Variants in AVEN observed in about 807,000 individuals in gnomAD.
AVEN encodes the protein apoptosis and caspase activation inhibitor.
A neutral mutation model predicts 38.1 loss-of-function variants in AVEN; 41 were observed. The observed-to-expected ratio is 1.08, with a 90% CI of 0.84 to 1.40. AVEN has a LOEUF of 1.40. Ranked by LOEUF, AVEN falls within the 40% of genes most tolerant of loss-of-function variation. AVEN has a pLI of 0.00. For synonymous variants in AVEN, 206 were observed against 171.8 expected (o/e 1.20, Z -1.56); for missense variants, 605 against 438.8 (o/e 1.38, Z -3.38).
chr15:34,025,219 T>G (rs1898402792), intron 1 of AVEN, among the ~76,000 whole-genome samples: 1 of 152,216 alleles, frequency 6.6e-6, no homozygotes, highest in Non-Finnish European at 1.5e-5. Context: ...AATAAGATTC[T>G]GAAATATGAA....
intron 1 of AVEN, among the ~76,000 whole-genome samples, chr15:34,006,691 CA>C (rs1897359711): frequency 6.6e-6 from 1 of 152,160 alleles, no homozygotes; most frequent in South Asian, 2.1e-4. Context: ...CACCAGTCCC[CA>C]AATTAGAAGA....
chr15:34,053,327 T>A (rs1237110748), intron 5 of AVEN, among the ~76,000 whole-genome samples: 8 of 129,500 alleles, frequency 6.2e-5, no homozygotes, highest in African/African-American at 1.5e-4. Flanking sequence ...AAAATATATA[T>A]ATATATATAT....
At chr15:33,868,748 G>T (rs1222304263) in intron 4 of AVEN, among the ~76,000 whole-genome samples, 2 of 151,966 alleles carry the variant, frequency 1.3e-5, no homozygotes, top group Non-Finnish European at 1.5e-5. Flanking sequence ...TAGAAGTTAG[G>T]TGAGCGAGTG....
At chr15:33,976,833 C>T (rs946410668) in intron 2 of AVEN, among the ~76,000 whole-genome samples, 8 of 152,142 alleles carry the variant, frequency 5.3e-5, no homozygotes, top group African/African-American at 1.9e-4. Context: ...AACAAACATC[C>T]TAGGCATAGA....
intron 2 of AVEN, among the ~76,000 whole-genome samples, chr15:33,978,281 ACC>A (rs1895976417): frequency 2.0e-5 from 3 of 152,168 alleles, no homozygotes; most frequent in Non-Finnish European, 4.4e-5. Flanking sequence ...ACTACAGCAA[ACC>A]CACTGTAGAC....
At chr15:33,867,923 A>G in intron 4 of AVEN, 68 bp from the exon 5 acceptor site, 2 of 1,499,948 alleles carry the variant, frequency 1.3e-6, no homozygotes, top group Non-Finnish European at 1.8e-6. Context: ...GTAAATACAT[A>G]GGAGGCTAAA....
chr15:33,974,695 G>A (rs149436933), intron 2 of AVEN, among the ~76,000 whole-genome samples: 87 of 152,236 alleles, frequency 5.7e-4, no homozygotes, highest in Non-Finnish European at 1.0e-3. Flanking sequence ...GCTTTGGGCC[G>A]GGCACAGTGG....
At chr15:34,018,875 A>C (rs1337540199) in intron 1 of AVEN, among the ~76,000 whole-genome samples, 9 of 147,088 alleles carry the variant, frequency 6.1e-5, no homozygotes. Flanking sequence ...TGCATTTATA[A>C]TCCTTTAGCT....
chr15:33,992,075 A>G (rs1000548348), intron 2 of AVEN: 2 of 152,262 alleles, frequency 1.3e-5, no homozygotes, highest in Non-Finnish European at 2.9e-5. Context: ...TTCTGCTCTT[A>G]TCTTTTGAAG....
downstream of AVEN, chr15:33,864,802 G>C (rs533339628): frequency 4.0e-5 from 10 of 250,720 alleles, no homozygotes; most frequent in South Asian, 2.8e-4. Context: ...GTTCCCTCAA[G>C]CATTCCTCCG....
At chr15:33,983,142 G>GGGTA (rs1896230395) in intron 2 of AVEN, among the ~76,000 whole-genome samples, 1 of 115,622 alleles carries the variant, frequency 8.6e-6, no homozygotes, top group African/African-American at 4.6e-5. Flanking sequence ...GTGTGTGTGT[G>GGGTA]TGTGTGTGTG....
In AVEN at chr15:34,039,082, C is replaced by A; in HGVS notation, c.-36G>T. ...CTGGCGGTGCTGAGCGCGCGGGAGC[C>A]GAGCTGCGGCGGAGACGCCCTGGCC... On this transcript the variant is annotated 5_prime_UTR_variant, in exon 1 of 6. Transcript: ENST00000306730. 1 of 1,079,640 alleles carries A rather than the reference C, an allele frequency of 9.3e-7. No homozygotes were observed. The allele number at this position is 1,079,640 out of a possible 1,614,324, so 66.9% of individuals were successfully genotyped here. A position where few individuals can be genotyped will look rare whatever the true frequency, so the allele number is the denominator to read the frequency against.
intron 3 of AVEN, among the ~76,000 whole-genome samples, chr15:33,873,570 T>C (rs1891093506): frequency 6.7e-6 from 1 of 148,188 alleles, no homozygotes; most frequent in South Asian, 2.1e-4. Flanking sequence ...ACGTATTATA[T>C]ATTACATATA....
intron 2 of AVEN, among the ~76,000 whole-genome samples, chr15:33,879,970 C>T (rs923843996): frequency 2.6e-5 from 4 of 152,068 alleles, no homozygotes; most frequent in South Asian, 2.1e-4. Context: ...AGCAGAAAAG[C>T]GAAGGTGGGT....
At chr15:33,863,990 T>C, downstream of AVEN, 1 of 577,396 alleles carries the variant, frequency 1.7e-6, no homozygotes, top group Non-Finnish European at 3.1e-6. Context: ...TGATGGTTTG[T>C]GTCCTTATGC....
chr15:33,944,734 G>A (rs369184579), intron 2 of AVEN, among the ~76,000 whole-genome samples: 1 of 151,922 alleles, frequency 6.6e-6, no homozygotes, highest in South Asian at 2.1e-4. Flanking sequence ...GCATGAACTC[G>A]GGAGGCGGAA....
downstream of AVEN, among the ~76,000 whole-genome samples, chr15:33,853,865 T>C (rs2079360810): frequency 6.6e-6 from 1 of 152,162 alleles, no homozygotes; most frequent in Non-Finnish European, 1.5e-5. Flanking sequence ...TACATTTTTA[T>C]GCCCTATAGA....
chr15:33,962,434 C>T (rs1895225133), intron 2 of AVEN, among the ~76,000 whole-genome samples: 1 of 152,144 alleles, frequency 6.6e-6, no homozygotes, highest in African/African-American at 2.4e-5. Flanking sequence ...GGGTCATTCT[C>T]AACACTTCTC....
chr15:33,860,927 C>T, intron 11 of AVEN: 1 of 558,666 alleles, frequency 1.8e-6, no homozygotes, highest in Non-Finnish European at 2.9e-6. Context: ...TGACTAATAG[C>T]CAATGTATGG....
Sources: gnomAD v4.1 joint callset for allele counts (sites outside exome capture counted in the v4.1 genomes callset) on GRCh38, gnomAD v4.1.1 for gene constraint, MANE v1.5 for transcripts, NCBI Gene and HGNC (gene_info 2026-07-23, HGNC 2026-07-21) for gene names.